DGKB: variants seen among roughly 807,000 people sequenced by gnomAD.
The protein encoded by DGKB is diacylglycerol kinase beta.
A neutral mutation model predicts 114.3 loss-of-function variants in DGKB; 67 were observed. That is an observed-to-expected ratio of 0.59 (90% CI 0.48 to 0.72). The LOEUF is 0.72. DGKB is among the 30% of genes least tolerant of loss of function. The pLI, the probability that DGKB is intolerant of heterozygous loss-of-function variation, is 0.00. For synonymous variants in DGKB, 398 were observed against 323.1 expected (o/e 1.23, Z -2.49); for missense variants, 907 against 975.2 (o/e 0.93, Z 0.93).
chr7:14,930,901 T>C (rs1383205597), intron 1 of DGKB, among the ~76,000 whole-genome samples: 1 of 152,086 alleles, frequency 6.6e-6, no homozygotes, highest in Non-Finnish European at 1.5e-5. Flanking sequence ...GTTTGTTGAG[T>C]ATTTTTATCA....
At chr7:14,418,275 T>TTA (rs1239118770) in intron 21 of DGKB, among the ~76,000 whole-genome samples, 5 of 142,942 alleles carry the variant, frequency 3.5e-5, no homozygotes, top group Admixed American at 1.4e-4. Flanking sequence ...TATATATATT[T>TTA]TATATATGTG....
In DGKB at chr7:14,613,487, A is replaced by T. The variant is rs570363948; in HGVS notation, c.1285-74T>A. The T allele has an allele frequency of 8.9e-5, 69 of 778,064 alleles. No homozygotes were observed. In the African/African-American group the frequency reaches 1.1e-3, roughly 13 times the overall value. 48.2% of individuals were successfully genotyped at this position (778,064 alleles called of 1,614,324 possible). A position where few individuals can be genotyped will look rare whatever the true frequency, so the allele number is the denominator to read the frequency against. Reference sequence around the variant, plus strand: ...TGAAGAAGACTCCTTGTTATTTCTAAATTATAAAATACCAATACGCAATTT... The same window carrying T: ...TGAAGAAGACTCCTTGTTATTTCTATATTATAAAATACCAATACGCAATTT... On this transcript the variant is annotated intron_variant, in intron 15 of 25. Transcript: ENST00000402815.
At chr7:14,407,016 T>A (rs1445312385) in intron 21 of DGKB, among the ~76,000 whole-genome samples, 3 of 152,040 alleles carry the variant, frequency 2.0e-5, no homozygotes, top group Non-Finnish European at 4.4e-5. Flanking sequence ...GAAAGAAAAT[T>A]CAGGATCAAG....
At chr7:14,961,662 C>T (rs1200781694) in intron 1 of DGKB, among the ~76,000 whole-genome samples, 1 of 152,092 alleles carries the variant, frequency 6.6e-6, no homozygotes, top group Non-Finnish European at 1.5e-5. Flanking sequence ...ACACAAATGT[C>T]GGGCCATTTT....
At chr7:14,827,136 A>T (rs1240509260) in intron 2 of DGKB, among the ~76,000 whole-genome samples, 1 of 152,098 alleles carries the variant, frequency 6.6e-6, no homozygotes, top group Non-Finnish European at 1.5e-5. Flanking sequence ...ACCAATAAAC[A>T]AGTGTTTTCA....
At chr7:14,552,841 C>G (rs1795295483) in intron 20 of DGKB, among the ~76,000 whole-genome samples, 1 of 152,194 alleles carries the variant, frequency 6.6e-6, no homozygotes, top group African/African-American at 2.4e-5. Context: ...AGAAATTGAT[C>G]CTGTAGCTCA....
At position 14,313,258 on chromosome 7, in the gene DGKB, T is replaced by C. The variant is rs62443708; in HGVS notation, c.2122+25257A>G. On this transcript the variant is annotated intron_variant, in intron 23 of 25. Transcript: ENST00000402815. ...ATAGACTTCAATTAAAACAACATAT[T>C]GCGGGGAGGAGCCAAGATGGCCGAA... Among the ~76,000 whole-genome samples, 1,449 of 152,112 alleles carry C rather than the reference T, an allele frequency of 9.5e-3. 33 individuals carry two copies. The highest frequency in any genetic ancestry group is 0.075 in the East Asian group (387 of 5,156).
At chr7:14,523,772 T>G (rs1253992004) in intron 20 of DGKB, among the ~76,000 whole-genome samples, 1 of 152,142 alleles carries the variant, frequency 6.6e-6, no homozygotes, top group Non-Finnish European at 1.5e-5. Flanking sequence ...CATTGTGTGT[T>G]GTAGTAGAAA....
At chr7:14,416,664 C>G (rs1485265779) in intron 21 of DGKB, among the ~76,000 whole-genome samples, 1 of 152,094 alleles carries the variant, frequency 6.6e-6, no homozygotes, top group Non-Finnish European at 1.5e-5. Context: ...TCACTTGGCT[C>G]TCATTCTTTC....
intron 23 of DGKB, among the ~76,000 whole-genome samples, chr7:14,308,859 C>A (rs1203212757): frequency 2.6e-5 from 4 of 152,160 alleles, no homozygotes; most frequent in African/African-American, 9.7e-5. Context: ...AGGTTTCTAA[C>A]AATCTCGATG....
At chr7:14,612,649 CTT>C (rs2128795216) in intron 16 of DGKB, among the ~76,000 whole-genome samples, 1 of 152,016 alleles carries the variant, frequency 6.6e-6, no homozygotes, top group South Asian at 2.1e-4. Context: ...CATCTGCTTG[CTT>C]ATTTTTGGTT....
chr7:14,791,096 G>A (rs1054071793), intron 2 of DGKB, among the ~76,000 whole-genome samples: 1 of 152,132 alleles, frequency 6.6e-6, no homozygotes, highest in African/African-American at 2.4e-5. Flanking sequence ...CGCCTTAAAT[G>A]TTGGGATTAC....
Position 14,634,055 on chromosome 7 carries a change from C to G in DGKB, c.1135-3787G>C, listed in dbSNP as rs1181999416. Among the ~76,000 whole-genome samples the G allele has an allele frequency of 2.0e-5, 3 of 151,248 alleles. No individual in the cohort carries two copies. The East Asian group carries it at 5.8e-4, about 29-fold the overall frequency. On this transcript the variant is annotated intron_variant, in intron 13 of 25. Transcript: ENST00000402815. ...TGACTTAGTTAAGATATAATGAGAG[C>G]ACAGTACTCACATTAAAAGGGTCAT... is the stretch of plus-strand genomic sequence containing the variant.
intron 23 of DGKB, among the ~76,000 whole-genome samples, chr7:14,232,372 TGA>T: frequency 1.1e-5 from 1 of 88,080 alleles, no homozygotes; most frequent in East Asian, 3.9e-4. Context: ...AGTAAGTTAG[TGA>T]AAAAAAAAAA....
chr7:14,729,314 A>T (rs373835521), intron 5 of DGKB, among the ~76,000 whole-genome samples: 8 of 149,868 alleles, frequency 5.3e-5, no homozygotes, highest in South Asian at 2.1e-4. Context: ...AGTAGAGACC[A>T]GGTTTCACCG....
intron 23 of DGKB, among the ~76,000 whole-genome samples, chr7:14,314,149 G>C (rs1298035210): frequency 2.0e-5 from 3 of 152,040 alleles, no homozygotes; most frequent in East Asian, 1.9e-4. Context: ...CATCATCAAA[G>C]ACCAAAAGTA....
intron 20 of DGKB, among the ~76,000 whole-genome samples, chr7:14,572,325 G>A (rs1304547586): frequency 6.6e-6 from 1 of 151,410 alleles, no homozygotes; most frequent in East Asian, 1.9e-4. Context: ...GGTGGCGGGT[G>A]CCTGTAGTCC....
chr7:14,682,264 C>T (rs1231711041), intron 12 of DGKB, among the ~76,000 whole-genome samples: 1 of 152,018 alleles, frequency 6.6e-6, no homozygotes, highest in African/African-American at 2.4e-5. Flanking sequence ...CTAGCCATGG[C>T]CTCTGATTAC....
At chr7:14,294,280 C>T (rs60908391) in intron 23 of DGKB, among the ~76,000 whole-genome samples, 1 of 152,072 alleles carries the variant, frequency 6.6e-6, no homozygotes, top group Non-Finnish European at 1.5e-5. Context: ...CCATCTGCAA[C>T]CTCAATTCTC....
Sources: allele counts gnomAD v4.1 joint callset (sites outside exome capture counted in the v4.1 genomes callset), GRCh38; gene constraint gnomAD v4.1.1; transcripts MANE v1.5; gene names NCBI Gene and HGNC (gene_info 2026-07-23, HGNC 2026-07-21).